Variants in MCC observed in about 807,000 individuals in gnomAD.
MCC encodes colorectal mutant cancer protein.
Under a neutral mutation model 116.2 loss-of-function variants are expected in MCC, and 90 were observed. The observed-to-expected ratio is 0.77, with a 90% CI of 0.65 to 0.92. The LOEUF is 0.92. Among genes scored for constraint, MCC ranks in the 40% least tolerant of loss-of-function variants. The pLI is 0.00. For missense variants in MCC, 1,516 were observed against 1,312.2 expected, an observed-to-expected ratio of 1.16 and a Z score of -2.40; for synonymous variants, 578 against 510.5, an observed-to-expected ratio of 1.13 and a Z score of -1.78.
At chr5:113,255,553 G>C (rs57288647) in intron 3 of MCC, among the ~76,000 whole-genome samples, 2,055 of 152,164 alleles carry the variant, frequency 0.014, 49 homozygotes, top group African/African-American at 0.047. Context: ...GTTTGATTTG[G>C]GTTTCTGTCA....
intron 2 of MCC, among the ~76,000 whole-genome samples, chr5:113,374,478 T>C (rs1041941190): frequency 1.4e-4 from 21 of 152,092 alleles, no homozygotes; most frequent in Non-Finnish European, 2.8e-4. Flanking sequence ...CTCAGTCTCT[T>C]CCACCAGAGT....
intron 1 of MCC, among the ~76,000 whole-genome samples, chr5:113,424,351 A>C (rs1770428489): frequency 6.6e-6 from 1 of 152,188 alleles, no homozygotes; most frequent in Admixed American, 6.6e-5. Context: ...AACTTCCAAA[A>C]ACCTATCATG....
rs1420082592 is a variant in MCC, at chr5:113,023,919, A to C, written c.*3383T>G. ...AGGTTCTTTAATTCATGCCAGGGAC[A>C]CAGGCAGTCCAATCTTGATCGGGTA... On this transcript the variant is annotated 3_prime_UTR_variant, in exon 19 of 19. Transcript: ENST00000408903. 1 of 152,242 alleles carries C rather than the reference A, an allele frequency of 6.6e-6. No individual in the cohort carries two copies. Among genetic ancestry groups the C allele is most frequent in the Non-Finnish European group, 1.5e-5 (1 of 68,038 alleles). 9.4% of individuals were successfully genotyped at this position (152,242 alleles called of 1,614,324 possible). A position where few individuals can be genotyped will look rare whatever the true frequency, so the allele number is the denominator to read the frequency against.
At chr5:113,476,243 C>T (rs941890507) in intron 1 of MCC, among the ~76,000 whole-genome samples, 1 of 152,112 alleles carries the variant, frequency 6.6e-6, no homozygotes, top group Admixed American at 6.5e-5. Flanking sequence ...GACTAAAAAC[C>T]TTGGAAAAGA....
At chr5:113,204,758 T>C (rs1762837053) in intron 3 of MCC, among the ~76,000 whole-genome samples, 1 of 152,220 alleles carries the variant, frequency 6.6e-6, no homozygotes. Context: ...GGAGGGTAAT[T>C]GCATCTACTT....
At chr5:113,334,206 T>C (rs138153255) in intron 3 of MCC, among the ~76,000 whole-genome samples, 1,720 of 149,148 alleles carry the variant, frequency 0.012, 24 homozygotes, top group Non-Finnish European at 0.018. Context: ...ATTATATATA[T>C]ATTATATACA....
At chr5:113,200,900 C>T (rs950877102) in intron 3 of MCC, among the ~76,000 whole-genome samples, 18 of 152,190 alleles carry the variant, frequency 1.2e-4, no homozygotes, top group Non-Finnish European at 1.9e-4. Context: ...TCTTTCAATG[C>T]ATTTGGCTTT....
chr5:113,063,575 G>T (rs569855912), intron 14 of MCC, among the ~76,000 whole-genome samples: 1 of 152,354 alleles, frequency 6.6e-6, no homozygotes, highest in East Asian at 1.9e-4. Flanking sequence ...GAACTAGGAT[G>T]AGCTGGGCTG....
chr5:113,078,063 G>C (rs775737564), intron 11 of MCC, among the ~76,000 whole-genome samples: 7 of 152,146 alleles, frequency 4.6e-5, no homozygotes, highest in Non-Finnish European at 7.4e-5. Context: ...AGAAGAAACA[G>C]ATAAATTCCT....
intron 1 of MCC, among the ~76,000 whole-genome samples, chr5:113,414,381 C>T (rs1770083632): frequency 3.3e-5 from 5 of 152,122 alleles, no homozygotes; most frequent in Admixed American, 3.3e-4. Flanking sequence ...CAAAGTCTCC[C>T]ATTATTATTG....
intron 14 of MCC, among the ~76,000 whole-genome samples, chr5:113,062,285 A>C (rs1753279140): frequency 6.6e-6 from 1 of 152,244 alleles, no homozygotes; most frequent in Non-Finnish European, 1.5e-5. Flanking sequence ...AATTTCTCTA[A>C]GAAAACAGTC....
chr5:113,108,687 T>C (rs1034700392), intron 6 of MCC, among the ~76,000 whole-genome samples: 5 of 148,846 alleles, frequency 3.4e-5, no homozygotes, highest in African/African-American at 1.2e-4. Flanking sequence ...TAACCATAGA[T>C]AACACAGTGC....
intron 3 of MCC, among the ~76,000 whole-genome samples, chr5:113,194,224 C>T (rs6895843): frequency 2.6e-5 from 4 of 152,180 alleles, no homozygotes; most frequent in Non-Finnish European, 4.4e-5. Flanking sequence ...TCCAGGCATC[C>T]AGCAGGGGGA....
intron 5 of MCC, among the ~76,000 whole-genome samples, chr5:113,135,538 G>A (rs1758763242): frequency 7.9e-6 from 1 of 126,204 alleles, no homozygotes; most frequent in African/African-American, 2.9e-5. Context: ...CAGCCTGGGT[G>A]ACAGAGTGAG....
At position 113,104,066 on chromosome 5, in the gene MCC, T is replaced by C. The variant is rs562461486; in HGVS notation, c.1191+126A>G. On this transcript the variant is annotated intron_variant, in intron 7 of 18. Coordinates refer to ENST00000408903, the MANE Select transcript of MCC (RefSeq NM_001085377.2). ...CGCTTCTACACCGTGGCTCAATCTA[T>C]TGTATGGCTCTCATGGAAACATTCA... is the stretch of plus-strand genomic sequence containing the variant. 7.0e-6 allele frequency: 7 copies of C among 1,000,188 alleles called. No homozygotes were observed. In the African/African-American group the frequency reaches 9.7e-5, roughly 14 times the overall value. 62.0% of individuals were successfully genotyped at this position (1,000,188 alleles called of 1,614,324 possible).
chr5:113,074,925 C>T, intron 11 of MCC, among the ~76,000 whole-genome samples: 1 of 151,394 alleles, frequency 6.6e-6, no homozygotes, highest in South Asian at 2.1e-4. Context: ...TTGCTCTTGG[C>T]ACCTCGTCGG....
At chr5:113,167,319 T>C (rs1156382884) in intron 3 of MCC, among the ~76,000 whole-genome samples, 1 of 152,214 alleles carries the variant, frequency 6.6e-6, no homozygotes, top group Non-Finnish European at 1.5e-5. Context: ...GAGCAACATT[T>C]ACAGAAGTGT....
chr5:113,459,670 G>A (rs1258835003), intron 1 of MCC, among the ~76,000 whole-genome samples: 1 of 152,170 alleles, frequency 6.6e-6, no homozygotes, highest in Non-Finnish European at 1.5e-5. Context: ...CCATATTCAT[G>A]TGCCACCTCA....
intron 3 of MCC, among the ~76,000 whole-genome samples, chr5:113,307,934 C>T (rs1038820588): frequency 6.6e-6 from 1 of 151,724 alleles, no homozygotes; most frequent in African/African-American, 2.4e-5. Context: ...GTTGCTCTTT[C>T]TCCTGCGTGG....
Sources: gnomAD v4.1 joint callset for allele counts (sites outside exome capture counted in the v4.1 genomes callset) on GRCh38, gnomAD v4.1.1 for gene constraint, MANE v1.5 for transcripts, NCBI Gene and HGNC (gene_info 2026-07-23, HGNC 2026-07-21) for gene names.